The following FAM47E variants were observed in gnomAD, a reference collection of about 807,000 sequenced individuals.
FAM47E encodes the protein protein FAM47E.
Under a neutral mutation model 41.6 loss-of-function variants are expected in FAM47E, and 32 were observed. The observed-to-expected ratio is 0.77, with a 90% CI of 0.58 to 1.03. The LOEUF (loss-of-function observed/expected upper bound fraction) is 1.03. Ranked by LOEUF, FAM47E falls within the 50% of genes least tolerant of loss-of-function variation. The pLI, the probability that FAM47E is intolerant of heterozygous loss-of-function variation, is 0.00. For missense variants in FAM47E, 424 were observed against 485.4 expected (o/e 0.87, Z 1.19); for synonymous variants, 184 against 188.7 (o/e 0.98, Z 0.20).
At chr4:76,251,338 C>T (rs919220338), upstream of FAM47E, among the ~76,000 whole-genome samples, 1 of 152,200 alleles carries the variant, frequency 6.6e-6, no homozygotes, top group Non-Finnish European at 1.5e-5. Context: ...CTTTCCCAAC[C>T]TTTAGAAATC....
chr4:76,240,542 C>T (rs376467388), intron 2 of FAM47E, among the ~76,000 whole-genome samples: 20 of 152,084 alleles, frequency 1.3e-4, no homozygotes, highest in South Asian at 2.1e-4. Flanking sequence ...GGCTGTTTGA[C>T]GATGTCCTAC....
chr4:76,230,607 A>G (rs1249618385), intron 2 of FAM47E, among the ~76,000 whole-genome samples: 1 of 152,164 alleles, frequency 6.6e-6, no homozygotes, highest in East Asian at 1.9e-4. Context: ...TTCAGTTTGA[A>G]GCTTCCCTTC....
chr4:76,235,307 G>A (rs1733568436), intron 2 of FAM47E, among the ~76,000 whole-genome samples: 1 of 152,158 alleles, frequency 6.6e-6, no homozygotes, highest in African/African-American at 2.4e-5. Flanking sequence ...GATAGAGCGA[G>A]ACTCCGTCTC....
rs1343114058 is a variant in FAM47E at position 76,243,336 on chromosome 4, A to T, written c.82-20368A>T. Reference sequence around the variant, plus strand: ...TGGCAAATAAATCAGCAAGATTCACATAAAATTGCCATGGAATTTTGACAA... The same window carrying T: ...TGGCAAATAAATCAGCAAGATTCACTTAAAATTGCCATGGAATTTTGACAA... On this transcript the variant is annotated intron_variant, in intron 2 of 7. Coordinates refer to the FAM47E transcript ENST00000510197. 2.0e-5 allele frequency among the ~76,000 whole-genome samples: 3 copies of T among 152,222 alleles called. No individual in the cohort carries two copies. In the East Asian group the frequency reaches 5.8e-4, roughly 29 times the overall value.
chr4:76,282,139 T>C (rs953611130), intron 7 of FAM47E: 14 of 152,314 alleles, frequency 9.2e-5, no homozygotes, highest in South Asian at 4.1e-4. Flanking sequence ...TCTAACAGAA[T>C]CTTAAAATAG....
intron 1 of FAM47E, among the ~76,000 whole-genome samples, chr4:76,214,976 A>C (rs371222965): frequency 2.6e-5 from 4 of 152,222 alleles, no homozygotes; most frequent in African/African-American, 9.6e-5. Context: ...ATGTATAAAA[A>C]GTTCAGCAAG....
intron 2 of FAM47E, among the ~76,000 whole-genome samples, chr4:76,228,239 A>AG (rs1733432155): frequency 6.6e-6 from 1 of 152,004 alleles, no homozygotes; most frequent in South Asian, 2.1e-4. Context: ...GCACTTGGGG[A>AG]GGCTGAGGGG....
chr4:76,219,310 G>A (rs1256578269), intron 2 of FAM47E, among the ~76,000 whole-genome samples: 2 of 152,136 alleles, frequency 1.3e-5, no homozygotes, highest in African/African-American at 2.4e-5. Context: ...TTGCCAGTCC[G>A]GTGGCCAAAA....
intron 1 of FAM47E, among the ~76,000 whole-genome samples, chr4:76,215,627 T>G (rs1405279179): frequency 6.6e-6 from 1 of 152,218 alleles, no homozygotes; most frequent in African/African-American, 2.4e-5. Flanking sequence ...TCCTGGAACT[T>G]CTGAAGCTAG....
chr4:76,256,563 G>C, intron 2 of FAM47E, 40 bp downstream of exon 2: 1 of 1,490,438 alleles, frequency 6.7e-7, no homozygotes, highest in Non-Finnish European at 9.0e-7. Context: ...CTTCACTGGG[G>C]CCTTGCAAAT....
chr4:76,271,723 G>A lies in FAM47E; in HGVS notation c.825G>A (p.Glu275=), dbSNP rs574751211. ...SVGLSKLQET[E]FFQKLGYERK... Reference sequence around the variant, plus strand: ...GGCTCAGTAAACTGCAGGAGACAGAGTTCTTCCAGAAACTAGGCTATGAGA... The same window carrying A: ...GGCTCAGTAAACTGCAGGAGACAGAATTCTTCCAGAAACTAGGCTATGAGA... The change falls in exon 5 of 8, where the codon GAG becomes GAA. Residue 275 remains glutamate, a synonymous_variant. Transcript: ENST00000424749. The A allele has an allele frequency of 6.4e-7, 1 of 1,551,694 alleles. No individual in the cohort carries two copies. The highest frequency in any genetic ancestry group is 1.7e-4 in the Middle Eastern group (1 of 5,994).
chr4:76,268,838 C>A, intron 4 of FAM47E, 70 bp downstream of exon 4: 1 of 1,515,508 alleles, frequency 6.6e-7, no homozygotes, highest in Non-Finnish European at 8.9e-7. Flanking sequence ...ATATTTAAAC[C>A]TACTTTTAAA....
intron 2 of FAM47E, among the ~76,000 whole-genome samples, chr4:76,239,524 T>C (rs535184710): frequency 1.1e-4 from 17 of 152,356 alleles, no homozygotes; most frequent in South Asian, 1.0e-3. Context: ...GCCATTTGTA[T>C]ATCTTCTTGG....
intron 3 of FAM47E, chr4:76,268,318 T>C (rs1401079034): frequency 5.0e-6 from 1 of 201,528 alleles, no homozygotes; most frequent in Non-Finnish European, 9.9e-6. Flanking sequence ...GACTCCTACT[T>C]GTCAAGGTTG....
At chr4:76,216,409 A>G (rs1733208661) in intron 1 of FAM47E, among the ~76,000 whole-genome samples, 1 of 152,158 alleles carries the variant, frequency 6.6e-6, no homozygotes, top group African/African-American at 2.4e-5. Context: ...TCTGACTGCT[A>G]CAATCAGATT....
rs1217015681 is a variant in FAM47E, at chr4:76,221,519, C to T, written c.81+3831C>T. The stretch of plus-strand genomic sequence containing the variant: ...ATTTTTAGCAGAGACGGGATTTCAT[C>T]ACACTGGCCAGGCTGGTCTTGAACT... On this transcript the variant is annotated intron_variant, in intron 2 of 7. Transcript: ENST00000510197. Among the ~76,000 whole-genome samples the T allele has an allele frequency of 2.0e-5, 3 of 152,236 alleles. No homozygotes were observed. The East Asian group carries it at 5.8e-4, about 29-fold the overall frequency.
chr4:76,216,002 A>G (rs561085727), intron 1 of FAM47E, among the ~76,000 whole-genome samples: 6 of 152,314 alleles, frequency 3.9e-5, no homozygotes, highest in African/African-American at 1.4e-4. Flanking sequence ...TGTAGCTACC[A>G]AAGCTCTTCA....
At chr4:76,221,993 G>A (rs750100807) in intron 2 of FAM47E, among the ~76,000 whole-genome samples, 8 of 152,190 alleles carry the variant, frequency 5.3e-5, no homozygotes, top group Non-Finnish European at 1.0e-4. Context: ...AACAATAGGT[G>A]ACTACCATGA....
Position 76,222,836 on chromosome 4 carries a change from T to C in FAM47E, c.81+5148T>C, listed in dbSNP as rs1405493848. Among the ~76,000 whole-genome samples the C allele has an allele frequency of 2.6e-5, 4 of 152,206 alleles. No homozygotes were observed. In the East Asian group the frequency reaches 5.8e-4, roughly 22 times the overall value. On this transcript the variant is annotated intron_variant, in intron 2 of 7. Coordinates refer to the FAM47E transcript ENST00000510197. ...ACCCTGGTCATGGATATTTCTACCA[T>C]GGAGGACTAGTAAGCCCCAGCTGAG...
Sources: allele counts gnomAD v4.1 joint callset (sites outside exome capture counted in the v4.1 genomes callset), GRCh38; gene constraint gnomAD v4.1.1; transcripts MANE v1.5; gene names NCBI Gene and HGNC (gene_info 2026-07-23, HGNC 2026-07-21).